Variants in BIN3 observed in about 807,000 individuals in gnomAD.
The protein encoded by BIN3 is bridging integrator 3.
A neutral mutation model predicts 38.2 loss-of-function variants in BIN3; 41 were observed. That is an observed-to-expected ratio of 1.07 (90% CI 0.84 to 1.39). The LOEUF is 1.39. BIN3 is among the 40% of genes most tolerant of loss of function. BIN3 has a pLI of 0.00. For missense variants in BIN3, 361 were observed against 324.3 expected, an observed-to-expected ratio of 1.11 and a Z score of -0.87; for synonymous variants, 145 against 122.6, an observed-to-expected ratio of 1.18 and a Z score of -1.21.
chr8:22,642,181 CAG>C (rs1802584727), intron 2 of BIN3, among the ~76,000 whole-genome samples: 1 of 152,216 alleles, frequency 6.6e-6, no homozygotes, highest in African/African-American at 2.4e-5. Context: ...CTTCCCATGA[CAG>C]GGGCTCCATG....
intron 1 of BIN3, among the ~76,000 whole-genome samples, chr8:22,651,324 C>G (rs1802882412): frequency 6.6e-6 from 1 of 152,234 alleles, no homozygotes; most frequent in Non-Finnish European, 1.5e-5. Context: ...ATCTTCCGGA[C>G]AGTCTGCCCT....
chr8:22,668,988 C>T (rs1585211934), intron 1 of BIN3, 56 bp downstream of exon 1: 2 of 1,554,886 alleles, frequency 1.3e-6, no homozygotes, highest in African/African-American at 1.4e-5. Flanking sequence ...GACACAGGGC[C>T]AGGGGCCTCG....
chr8:22,661,808 T>C (rs1465715200), intron 1 of BIN3, among the ~76,000 whole-genome samples: 2 of 152,050 alleles, frequency 1.3e-5, no homozygotes, highest in East Asian at 3.9e-4. Flanking sequence ...ATACATTTTT[T>C]TTGAGACAGT....
intron 2 of BIN3, 86 bp from the exon 3 acceptor site, chr8:22,637,048 C>T: frequency 8.3e-7 from 1 of 1,211,934 alleles, no homozygotes; most frequent in Non-Finnish European, 1.2e-6. Flanking sequence ...CTCTCCACAC[C>T]CTGCCCCAGT....
intron 1 of BIN3, among the ~76,000 whole-genome samples, chr8:22,656,443 T>C (rs530569394): frequency 2.0e-5 from 3 of 152,312 alleles, no homozygotes; most frequent in Admixed American, 6.5e-5. Context: ...ACTTCATTTA[T>C]ATAGCCTAAG....
At chr8:22,628,980 CCGGAGG>C (rs1460676184) in intron 6 of BIN3, among the ~76,000 whole-genome samples, 1 of 152,246 alleles carries the variant, frequency 6.6e-6, no homozygotes, top group Non-Finnish European at 1.5e-5. Context: ...AGGGCCGGAG[CCGGAGG>C]CACAGTCCCT....
At chr8:22,657,196 T>A (rs1803083314) in intron 1 of BIN3, among the ~76,000 whole-genome samples, 1 of 152,362 alleles carries the variant, frequency 6.6e-6, no homozygotes, top group South Asian at 2.1e-4. Flanking sequence ...AATAATTAAA[T>A]GAATGACTAA....
At chr8:22,641,642 G>A (rs868139121) in intron 2 of BIN3, among the ~76,000 whole-genome samples, 28 of 152,120 alleles carry the variant, frequency 1.8e-4, no homozygotes, top group African/African-American at 5.8e-4. Context: ...CAGGATTAAC[G>A]AGGCTAAGGG....
chr8:22,651,531 G>A (rs1427834758), intron 1 of BIN3, among the ~76,000 whole-genome samples: 1 of 152,166 alleles, frequency 6.6e-6, no homozygotes, highest in African/African-American at 2.4e-5. Context: ...TTTTGAGACT[G>A]CACATCCTAA....
intron 2 of BIN3, among the ~76,000 whole-genome samples, chr8:22,641,656 C>T (rs745574502): frequency 4.6e-5 from 7 of 152,140 alleles, no homozygotes; most frequent in African/African-American, 1.7e-4. Flanking sequence ...CTAAGGGCCC[C>T]GCCACCTGGC....
chr8:22,640,333 C>T (rs1485517425), intron 2 of BIN3, among the ~76,000 whole-genome samples: 1 of 151,678 alleles, frequency 6.6e-6, no homozygotes, highest in Non-Finnish European at 1.5e-5. Context: ...GAGTGAGCCA[C>T]CACACCCGGC....
At position 22,651,752 on chromosome 8, in the gene BIN3, C is replaced by T. The variant is rs186696626; in HGVS notation, c.9-6949G>A. ...ATCTTATAGGAATATATGTTTGTCA[C>T]GGTGTTGTATAATTTTACAACAATG... is the stretch of plus-strand genomic sequence containing the variant. On this transcript the variant is annotated intron_variant, in intron 1 of 8. Coordinates refer to ENST00000276416, the MANE Select transcript of BIN3 (RefSeq NM_018688.6). Among the ~76,000 whole-genome samples the T allele has an allele frequency of 1.7e-3, 258 of 152,200 alleles. 2 individuals are homozygous for T. Among genetic ancestry groups the T allele is most frequent in the African/African-American group, 5.7e-3 (235 of 41,500 alleles).
intron 5 of BIN3, 32 bp downstream of exon 5, chr8:22,630,409 AT>A (rs1802154200): frequency 6.2e-7 from 1 of 1,611,832 alleles, no homozygotes; most frequent in Non-Finnish European, 8.5e-7. Context: ...GGCAGAAGTC[AT>A]GCTTGCCCAC....
intron 2 of BIN3, among the ~76,000 whole-genome samples, chr8:22,641,725 C>T (rs1297617943): frequency 6.6e-6 from 1 of 152,232 alleles, no homozygotes; most frequent in Non-Finnish European, 1.5e-5. Flanking sequence ...TTTGCCCTAA[C>T]TTTGCAGAGC....
chr8:22,669,105 G>T lies in BIN3; in HGVS notation c.-54C>A. On this transcript the variant is annotated 5_prime_UTR_variant, in exon 1 of 9. Coordinates refer to ENST00000276416, the MANE Select transcript of BIN3 (RefSeq NM_018688.6). ...TCCTCAGCCACAACTCGTTTCTCTAGGGTCACTTCCGGATTCAACCAGTCT... is the reference window on the plus strand; with the variant it reads ...TCCTCAGCCACAACTCGTTTCTCTATGGTCACTTCCGGATTCAACCAGTCT... The T allele has an allele frequency of 6.4e-7, 1 of 1,571,654 alleles. No individual in the cohort carries two copies. Among genetic ancestry groups the T allele is most frequent in the East Asian group, 2.4e-5 (1 of 42,296 alleles).
At chr8:22,654,493 C>G (rs1396447705) in intron 1 of BIN3, among the ~76,000 whole-genome samples, 2 of 152,062 alleles carry the variant, frequency 1.3e-5, no homozygotes, top group Admixed American at 1.3e-4. Context: ...GCAAACAACT[C>G]CCCTCCTCCA....
At chr8:22,645,662 G>A (rs918845548) in intron 1 of BIN3, among the ~76,000 whole-genome samples, 2 of 146,972 alleles carry the variant, frequency 1.4e-5, no homozygotes. Context: ...CTTGTGTCTT[G>A]AGGAGGTGCA....
intron 2 of BIN3, among the ~76,000 whole-genome samples, chr8:22,639,377 A>G (rs1387020067): frequency 1.3e-5 from 2 of 152,142 alleles, no homozygotes; most frequent in East Asian, 3.8e-4. Context: ...GACTATAGGC[A>G]TATGCCATTA....
At chr8:22,642,907 G>T (rs1802608005) in intron 2 of BIN3, among the ~76,000 whole-genome samples, 1 of 152,178 alleles carries the variant, frequency 6.6e-6, no homozygotes, top group Non-Finnish European at 1.5e-5. Context: ...TGCGAGGAAG[G>T]GAAGAGGGAT....
Sources: allele counts gnomAD v4.1 joint callset (sites outside exome capture counted in the v4.1 genomes callset), GRCh38; gene constraint gnomAD v4.1.1; transcripts MANE v1.5; gene names NCBI Gene and HGNC (gene_info 2026-07-23, HGNC 2026-07-21).